Variants in NTM observed in about 807,000 individuals in gnomAD.
The protein encoded by NTM is IgLON family member 2.
In NTM, 13 loss-of-function variants were observed where a neutral mutation model predicts 42.1. The ratio of observed to expected loss-of-function variants is 0.31; its 90% CI spans 0.20 to 0.49. NTM has a LOEUF of 0.49. Ranked by LOEUF, NTM falls within the 20% of genes least tolerant of loss-of-function variation. NTM has a pLI of 0.99. For synonymous variants in NTM, 187 were observed against 179.2 expected (o/e 1.04, Z -0.35); for missense variants, 373 against 452.8 (o/e 0.82, Z 1.60).
intron 1 of NTM, among the ~76,000 whole-genome samples, chr11:131,818,111 T>C (rs2093027523): frequency 6.6e-6 from 1 of 152,104 alleles, no homozygotes; most frequent in Non-Finnish European, 1.5e-5. Context: ...GGAGGGACAA[T>C]AGACTGAAAT....
At chr11:132,006,240 T>A (rs2070751443) in intron 2 of NTM, among the ~76,000 whole-genome samples, 1 of 152,244 alleles carries the variant, frequency 6.6e-6, no homozygotes, top group African/African-American at 2.4e-5. Flanking sequence ...AGCACCCGCA[T>A]CTCTCAACTC....
intron 1 of NTM, among the ~76,000 whole-genome samples, chr11:131,720,722 C>T (rs186447672): frequency 6.6e-6 from 1 of 152,256 alleles, no homozygotes; most frequent in Admixed American, 6.5e-5. Context: ...CCAGAGGCAG[C>T]GTGTTATAGT....
chr11:132,016,234 T>C (rs1339380014), intron 2 of NTM, among the ~76,000 whole-genome samples: 1 of 151,850 alleles, frequency 6.6e-6, no homozygotes, highest in East Asian at 1.9e-4. Flanking sequence ...TGTTGAACAA[T>C]CAATGATTTT....
At chr11:131,694,703 G>C (rs1057156617) in intron 1 of NTM, among the ~76,000 whole-genome samples, 3 of 152,208 alleles carry the variant, frequency 2.0e-5, no homozygotes, top group Non-Finnish European at 2.9e-5. Context: ...GAGACTGGAC[G>C]TGTGGACAGA....
intron 2 of NTM, among the ~76,000 whole-genome samples, chr11:131,951,821 C>T (rs1202175667): frequency 1.4e-5 from 1 of 70,156 alleles, no homozygotes; most frequent in Non-Finnish European, 2.6e-5. Context: ...GACTCCGTCT[C>T]AAAAAAAAAA....
At chr11:131,938,792 G>A (rs2059497564) in intron 2 of NTM, among the ~76,000 whole-genome samples, 1 of 152,140 alleles carries the variant, frequency 6.6e-6, no homozygotes, top group Admixed American at 6.5e-5. Context: ...AAGGAACACT[G>A]AGGACGTGAT....
intron 2 of NTM, among the ~76,000 whole-genome samples, chr11:132,037,314 C>A (rs1217342197): frequency 6.6e-6 from 1 of 152,122 alleles, no homozygotes; most frequent in South Asian, 2.1e-4. Flanking sequence ...GCTCCCTTCA[C>A]CTCAGCCATG....
chr11:131,952,111 C>T (rs185672064), intron 2 of NTM, among the ~76,000 whole-genome samples: 77 of 152,100 alleles, frequency 5.1e-4, no homozygotes, highest in Admixed American at 1.3e-3. Context: ...CCTTCTATTC[C>T]GAAATCCTGG....
At chr11:131,801,626 T>C (rs905312818) in intron 1 of NTM, among the ~76,000 whole-genome samples, 1 of 152,194 alleles carries the variant, frequency 6.6e-6, no homozygotes, top group Non-Finnish European at 1.5e-5. Flanking sequence ...ACCCCTTTTT[T>C]TCTTGCACAT....
chr11:131,413,865 T>TGAGGAGGGCAGGGGAGAC (rs1053177327), intron 1 of NTM, among the ~76,000 whole-genome samples: 5 of 150,336 alleles, frequency 3.3e-5, no homozygotes, highest in African/African-American at 7.4e-5. Context: ...GATCTGGCTG[T>TGAGGAGGGCAGGGGAGAC]GAGGAGGGCA....
intron 1 of NTM, among the ~76,000 whole-genome samples, chr11:131,675,743 T>C (rs2658825): frequency 0.82 from 124,373 of 152,180 alleles, 51,511 homozygotes; most frequent in African/African-American, 0.95. Context: ...GGCCTTGACT[T>C]AGAAGACCCT....
chr11:131,996,696 C>A (rs1057016464), intron 2 of NTM, among the ~76,000 whole-genome samples: 1 of 150,728 alleles, frequency 6.6e-6, no homozygotes, highest in African/African-American at 2.4e-5. Context: ...TTCATACTTG[C>A]TTTACCCGCC....
intron 1 of NTM, chr11:131,877,614 T>C (rs2048728111): frequency 6.6e-6 from 1 of 152,208 alleles, no homozygotes; most frequent in Non-Finnish European, 1.5e-5. Flanking sequence ...AAATCTCTGT[T>C]GGGTCTCCAT....
chr11:131,458,167 C>T (rs4453242), intron 1 of NTM, among the ~76,000 whole-genome samples: 25,145 of 152,120 alleles, frequency 0.17, 3,008 homozygotes, highest in East Asian at 0.55. Flanking sequence ...AGCCTGGAGG[C>T]AGGAGGATGA....
intron 1 of NTM, among the ~76,000 whole-genome samples, chr11:131,704,342 C>T (rs774707010): frequency 4.6e-5 from 7 of 152,162 alleles, no homozygotes; most frequent in Non-Finnish European, 7.3e-5. Context: ...ACTGGGCTGG[C>T]TCCTGTAGAC....
rs1470189123 is a variant in NTM at position 131,734,754 on chromosome 11, A to G, written c.83-176810A>G. 6.6e-5 allele frequency among the ~76,000 whole-genome samples: 10 copies of G among 152,328 alleles called. No homozygotes were observed. The East Asian group carries it at 1.7e-3, about 26-fold the overall frequency. On this transcript the variant is annotated intron_variant, in intron 1 of 8. Coordinates refer to ENST00000683400, the MANE Select transcript of NTM (RefSeq NM_001352005.2). Reference sequence around the variant, plus strand: ...ATCATTATTAATAAACTAAATAACTATATCAGCATTACCAACAGTGCAATA... The same window carrying G: ...ATCATTATTAATAAACTAAATAACTGTATCAGCATTACCAACAGTGCAATA...
chr11:131,694,033 T>C (rs939205008), intron 1 of NTM, among the ~76,000 whole-genome samples: 2 of 152,186 alleles, frequency 1.3e-5, no homozygotes, highest in Non-Finnish European at 2.9e-5. Context: ...GGATGCTTGG[T>C]CACCCACCTC....
intron 1 of NTM, among the ~76,000 whole-genome samples, chr11:131,555,301 G>T (rs1227148774): frequency 6.6e-6 from 1 of 152,206 alleles, no homozygotes; most frequent in Non-Finnish European, 1.5e-5. Context: ...TATTTGGTTT[G>T]GTTCCTTTTT....
chr11:132,019,949 G>A (rs909723111), intron 2 of NTM, among the ~76,000 whole-genome samples: 2 of 151,800 alleles, frequency 1.3e-5, no homozygotes, highest in African/African-American at 4.8e-5. Flanking sequence ...CACCTGCATA[G>A]TGTGTATAGT....
Sources: gnomAD v4.1 joint callset for allele counts (sites outside exome capture counted in the v4.1 genomes callset) on GRCh38, gnomAD v4.1.1 for gene constraint, MANE v1.5 for transcripts, NCBI Gene and HGNC (gene_info 2026-07-23, HGNC 2026-07-21) for gene names.